DLC1: variants seen among roughly 807,000 people sequenced by gnomAD.
DLC1 encodes rho GTPase-activating protein 7.
DLC1 carries 54 observed loss-of-function variants against 140.3 expected under a neutral mutation model. That is an observed-to-expected ratio of 0.38 (90% CI 0.31 to 0.48). The LOEUF is 0.48. Among genes scored for constraint, DLC1 ranks in the 20% least tolerant of loss-of-function variants. The pLI, the probability that DLC1 is intolerant of heterozygous loss-of-function variation, is 0.96. For missense variants in DLC1, 2,536 were observed against 1,907.0 expected (o/e 1.33, Z -6.14); for synonymous variants, 986 against 728.1 (o/e 1.35, Z -5.70).
intron 9 of DLC1, 133 bp downstream of exon 9, chr8:13,099,214 T>C (rs1390505555): frequency 6.9e-7 from 1 of 1,456,698 alleles, no homozygotes. Context: ...GCTTCCTGGT[T>C]TGACACCTTC....
At chr8:13,104,075 T>G (rs906215266) in intron 7 of DLC1, among the ~76,000 whole-genome samples, 1 of 152,172 alleles carries the variant, frequency 6.6e-6, no homozygotes, top group Non-Finnish European at 1.5e-5. Context: ...AGAATGGAAA[T>G]TGAAGCCCTC....
chr8:13,151,272 G>A (rs545079818), intron 5 of DLC1, among the ~76,000 whole-genome samples: 10 of 152,152 alleles, frequency 6.6e-5, no homozygotes, highest in East Asian at 5.8e-4. Flanking sequence ...CACCAACAGC[G>A]AATTTTCAGC....
At chr8:13,437,511 T>C (rs923415168) in intron 2 of DLC1, among the ~76,000 whole-genome samples, 1 of 152,234 alleles carries the variant, frequency 6.6e-6, no homozygotes, top group African/African-American at 2.4e-5. Context: ...TAAGGTCTCC[T>C]TTCTCCTGAT....
chr8:13,307,730 T>A (rs1157694491), intron 4 of DLC1, among the ~76,000 whole-genome samples: 1 of 152,200 alleles, frequency 6.6e-6, no homozygotes, highest in Non-Finnish European at 1.5e-5. Context: ...AGTTTGTGTA[T>A]GACCCAGTTT....
intron 2 of DLC1, among the ~76,000 whole-genome samples, chr8:13,405,266 G>C (rs1200832429): frequency 6.6e-6 from 1 of 152,124 alleles, no homozygotes; most frequent in African/African-American, 2.4e-5. Flanking sequence ...TAATACCTAA[G>C]AGGTAGTTTT....
At chr8:13,406,192 T>C (rs1015267050) in intron 2 of DLC1, among the ~76,000 whole-genome samples, 3 of 134,772 alleles carry the variant, frequency 2.2e-5, no homozygotes, top group Non-Finnish European at 3.1e-5. Flanking sequence ...TTTTTTTTTT[T>C]TTTTTTCAGT....
chr8:13,098,516 G>A lies in DLC1; in HGVS notation c.3050C>T (p.Ser1017Leu). Residue 1017 changes from serine to leucine, a missense_variant, in exon 10 of 18, where the codon TCA becomes TTA. By Grantham distance (145) the Ser-to-Leu change is moderately radical. Coordinates refer to ENST00000276297, the MANE Select transcript of DLC1 (RefSeq NM_182643.3). ...CACAGACTGGCAGTTAATCTGTAGTGATACAGAGTTGAGGCTTGGCCGATG... is the reference window on the plus strand; with the variant it reads ...CACAGACTGGCAGTTAATCTGTAGTAATACAGAGTTGAGGCTTGGCCGATG... ...SSHRPSLNSV[S>L]LQINCQSVAQ... 4 of 1,614,192 alleles carry A rather than the reference G, an allele frequency of 2.5e-6. No individual in the cohort carries two copies. Among genetic ancestry groups the A allele is most frequent in the Non-Finnish European group, 3.4e-6 (4 of 1,179,996 alleles).
At chr8:13,112,022 G>A (rs1820156932) in intron 6 of DLC1, among the ~76,000 whole-genome samples, 1 of 152,132 alleles carries the variant, frequency 6.6e-6, no homozygotes, top group Admixed American at 6.5e-5. Flanking sequence ...ATGGTGGCAT[G>A]CGGGCTGTGG....
intron 5 of DLC1, among the ~76,000 whole-genome samples, chr8:13,202,193 C>T (rs1827426986): frequency 6.6e-6 from 1 of 152,050 alleles, no homozygotes; most frequent in Non-Finnish European, 1.5e-5. Flanking sequence ...ATCCACCGGC[C>T]TCGGCCTCCT....
intron 4 of DLC1, among the ~76,000 whole-genome samples, chr8:13,306,004 A>G (rs982093702): frequency 2.0e-5 from 3 of 152,196 alleles, no homozygotes; most frequent in African/African-American, 7.2e-5. Flanking sequence ...TTTTCTGTGC[A>G]CACAAGTGAG....
intron 2 of DLC1, among the ~76,000 whole-genome samples, chr8:13,448,345 TTTCTTCTTC>T (rs146892447): frequency 6.8e-6 from 1 of 146,784 alleles, no homozygotes; most frequent in African/African-American, 2.5e-5. Flanking sequence ...TCTTTTAAAA[TTTCTTCTTC>T]TTCTTCTTCT....
chr8:13,405,912 TTTTCTTTTCTTTCTTTCTTTC>T, intron 2 of DLC1, among the ~76,000 whole-genome samples: 1 of 120,422 alleles, frequency 8.3e-6, no homozygotes, highest in East Asian at 2.7e-4. Flanking sequence ...TCTTTCTTTC[TTTTCTTTTCTTTCTTTCTTTC>T]TTTCTTTCTT....
chr8:13,555,092 T>G (rs144564232), intron 1 of DLC1, among the ~76,000 whole-genome samples: 1 of 152,366 alleles, frequency 6.6e-6, no homozygotes, highest in African/African-American at 2.4e-5. Context: ...CTCGATAACC[T>G]CATGATTCAT....
At chr8:13,509,273 G>A (rs537890678) in intron 1 of DLC1, among the ~76,000 whole-genome samples, 7 of 152,104 alleles carry the variant, frequency 4.6e-5, no homozygotes, top group South Asian at 2.1e-4. Flanking sequence ...ATCAACCCAG[G>A]TGCTCAGATA....
intron 1 of DLC1, among the ~76,000 whole-genome samples, chr8:13,552,551 A>G (rs1803902662): frequency 1.3e-5 from 2 of 151,300 alleles, no homozygotes; most frequent in Admixed American, 1.3e-4. Context: ...GTGAATATAT[A>G]TTTTTCCAAA....
In DLC1 at chr8:13,084,806, G is replaced by C. The variant is rs183266742; in HGVS notation, c.*1005C>G. 8 of 152,292 alleles carry C rather than the reference G, an allele frequency of 5.3e-5. No individual in the cohort carries two copies. The highest frequency in any genetic ancestry group is 5.2e-4 in the Admixed American group (8 of 15,296). The allele number at this position is 152,292 out of a possible 1,614,324, so 9.4% of individuals were successfully genotyped here. On this transcript the variant is annotated 3_prime_UTR_variant, in exon 18 of 18. Transcript: ENST00000276297. Reference sequence around the variant, plus strand: ...CAGGGATTTCCTTGGGACACACATAGTTTCCTATATTCCCAAACATAGTGT... The same window carrying C: ...CAGGGATTTCCTTGGGACACACATACTTTCCTATATTCCCAAACATAGTGT...
At chr8:13,185,085 A>C (rs564207881) in intron 5 of DLC1, among the ~76,000 whole-genome samples, 1 of 146,198 alleles carries the variant, frequency 6.8e-6, no homozygotes, top group Non-Finnish European at 1.5e-5. Flanking sequence ...TATTGGTTTA[A>C]AGTCTGTTTT....
Position 13,546,593 on chromosome 8 carries a change from C to T in DLC1, c.-125-46397G>A, listed in dbSNP as rs889291007. Among the ~76,000 whole-genome samples, 6 of 152,102 alleles carry T rather than the reference C, an allele frequency of 3.9e-5. No individual in the cohort carries two copies. The East Asian group carries it at 9.6e-4, about 24-fold the overall frequency. On this transcript the variant is annotated intron_variant, in intron 1 of 1. Transcript: ENST00000631382. ...GAATCACCAACATGTCATTCTGCTTCGCATTGAAGTTTTATGTAAATGAAG... is the reference window on the plus strand; with the variant it reads ...GAATCACCAACATGTCATTCTGCTTTGCATTGAAGTTTTATGTAAATGAAG...
chr8:13,534,106 C>G (rs1047706953), intron 1 of DLC1, among the ~76,000 whole-genome samples: 3 of 152,166 alleles, frequency 2.0e-5, no homozygotes, highest in African/African-American at 7.2e-5. Context: ...AATATTATCT[C>G]TAATTTCCCT....
Sources: gnomAD v4.1 joint callset for allele counts (sites outside exome capture counted in the v4.1 genomes callset) on GRCh38, gnomAD v4.1.1 for gene constraint, MANE v1.5 for transcripts, NCBI Gene and HGNC (gene_info 2026-07-23, HGNC 2026-07-21) for gene names.